The following CHD6 variants were observed in gnomAD, a reference collection of about 807,000 sequenced individuals.
The protein encoded by CHD6 is ATP-dependent chromatin remodeler CHD6.
A neutral mutation model predicts 276.9 loss-of-function variants in CHD6; 50 were observed. That is an observed-to-expected ratio of 0.18 (90% confidence interval 0.14 to 0.23). CHD6 has a LOEUF of 0.23. CHD6 is among the 10% of genes least tolerant of loss of function. The probability of loss-of-function intolerance (pLI) is 1.00; values close to 1 mark genes in which losing one functional copy is unlikely to be tolerated. For synonymous variants in CHD6, 1,173 were observed against 1,229.3 expected (o/e 0.95, Z 0.96); for missense variants, 2,564 against 3,365.8 (o/e 0.76, Z 5.89).
In CHD6 at chr20:41,500,529, G is replaced by A. The variant is rs189789524; in HGVS notation, c.853-1172C>T. On this transcript the variant is annotated intron_variant, in intron 5 of 36. Coordinates refer to ENST00000373233, the MANE Select transcript of CHD6 (RefSeq NM_032221.5). Reference sequence around the variant, plus strand: ...CAGAAGTTAATCCAAAACCACACACGTCCCTTCTCACCACTCAACAGGAAG... The same window carrying A: ...CAGAAGTTAATCCAAAACCACACACATCCCTTCTCACCACTCAACAGGAAG... Among the ~76,000 whole-genome samples, 86 of 152,122 alleles carry A rather than the reference G, an allele frequency of 5.7e-4. No individual in the cohort carries two copies. The East Asian group carries it at 0.013, about 23-fold the overall frequency.
intron 17 of CHD6, among the ~76,000 whole-genome samples, chr20:41,461,550 C>A (rs1398203797): frequency 2.6e-5 from 4 of 152,168 alleles, no homozygotes; most frequent in Non-Finnish European, 5.9e-5. Flanking sequence ...TTTTCTCTTG[C>A]CGCTTCCATG....
chr20:41,618,053 G>T (rs921918802), intron 1 of CHD6, among the ~76,000 whole-genome samples: 2 of 148,238 alleles, frequency 1.3e-5, no homozygotes, highest in African/African-American at 2.4e-5. Flanking sequence ...TCCCAAGGAC[G>T]GCCGCCCGGC....
intron 5 of CHD6, among the ~76,000 whole-genome samples, chr20:41,508,519 C>G (rs942965072): frequency 6.6e-6 from 1 of 152,088 alleles, no homozygotes; most frequent in Non-Finnish European, 1.5e-5. Flanking sequence ...CTGCAGTAAA[C>G]TGTACACTGG....
Position 41,404,563 on chromosome 20 carries a change from G to A in CHD6, c.*30C>T, listed in dbSNP as rs769676749. 6.8e-7 allele frequency: 1 copy of A among 1,472,380 alleles called. No homozygotes were observed. The highest frequency in any genetic ancestry group is 2.4e-5 in the Admixed American group (1 of 42,220). 91.2% of individuals were successfully genotyped at this position (1,472,380 alleles called of 1,614,324 possible). ...CCTTTATGGGATAAGAAACTTACAA[G>A]TCACAATAATTTCTTAAATGAAAAA... On this transcript the variant is annotated 3_prime_UTR_variant, in exon 37 of 37. Transcript: ENST00000373233.
At chr20:41,523,260 T>C (rs1294199700) in intron 3 of CHD6, among the ~76,000 whole-genome samples, 2 of 152,148 alleles carry the variant, frequency 1.3e-5, no homozygotes, top group African/African-American at 4.8e-5. Context: ...TACAAAGGCC[T>C]AATACTCCCA....
In CHD6 at chr20:41,489,840, G is replaced by A. The variant is rs550819980; in HGVS notation, c.1618C>T (p.His540Tyr). ...ATCTGCCTGCTGATCTGGCTGCCGTGGTACACAATGGCATTCATCTCTGTC... is the reference window on the plus strand; with the variant it reads ...ATCTGCCTGCTGATCTGGCTGCCGTAGTACACAATGGCATTCATCTCTGTC... ...TWTEMNAIVY[H>Y]GSQISRQMIQ... The change falls in exon 12 of 37, where the codon CAC (histidine) becomes TAC (tyrosine). Residue 540 changes from histidine (H) to tyrosine (Y), a missense_variant. Around this residue, in one of 7 missense-constraint regions of CHD6, gnomAD observed 457 missense variants for 889.0 expected, o/e 0.51. Transcript: ENST00000373233. 1 of 1,613,862 alleles carries A rather than the reference G, an allele frequency of 6.2e-7. No individual in the cohort carries two copies. Among genetic ancestry groups the A allele is most frequent in the South Asian group, 1.1e-5 (1 of 91,070 alleles).
intron 2 of CHD6, among the ~76,000 whole-genome samples, chr20:41,540,408 C>T (rs991638663): frequency 6.6e-6 from 1 of 152,062 alleles, no homozygotes; most frequent in African/African-American, 2.4e-5. Flanking sequence ...GAATGTATTA[C>T]TTTCATGGTA....
At chr20:41,538,543 G>A (rs1446833841) in intron 2 of CHD6, among the ~76,000 whole-genome samples, 1 of 152,094 alleles carries the variant, frequency 6.6e-6, no homozygotes, top group Admixed American at 6.5e-5. Flanking sequence ...AAAATGTTCT[G>A]AAATTAAATA....
At chr20:41,553,419 C>T (rs192070289) in intron 1 of CHD6, among the ~76,000 whole-genome samples, 24 of 152,322 alleles carry the variant, frequency 1.6e-4, no homozygotes, top group Admixed American at 5.9e-4. Flanking sequence ...CTCACAGGCA[C>T]GTTCCAGCTC....
intron 24 of CHD6, among the ~76,000 whole-genome samples, chr20:41,447,466 C>A (rs190289651): frequency 1.3e-5 from 2 of 152,036 alleles, no homozygotes; most frequent in Non-Finnish European, 2.9e-5. Context: ...GAATAGGCCG[C>A]ACATATTATT....
intron 3 of CHD6, among the ~76,000 whole-genome samples, chr20:41,524,615 T>C (rs551089162): frequency 2.2e-4 from 33 of 152,346 alleles, no homozygotes; most frequent in African/African-American, 7.7e-4. Flanking sequence ...AGGATCACTT[T>C]TGACTGATGC....
intron 1 of CHD6, among the ~76,000 whole-genome samples, chr20:41,610,333 C>T (rs548866200): frequency 3.3e-5 from 5 of 152,070 alleles, no homozygotes; most frequent in East Asian, 1.9e-4. Flanking sequence ...TATGCAACCC[C>T]GAATGAACCA....
chr20:41,617,588 G>A (rs772608702), intron 1 of CHD6, among the ~76,000 whole-genome samples: 1 of 152,178 alleles, frequency 6.6e-6, no homozygotes, highest in Non-Finnish European at 1.5e-5. Context: ...TCTCAACAGC[G>A]AGGAAAATAA....
intron 8 of CHD6, among the ~76,000 whole-genome samples, chr20:41,494,563 G>A (rs993171297): frequency 2.0e-5 from 3 of 152,134 alleles, no homozygotes; most frequent in Non-Finnish European, 1.5e-5. Context: ...TTACGGAGTA[G>A]GTACTATAAT....
intron 17 of CHD6, among the ~76,000 whole-genome samples, chr20:41,462,908 AT>A (rs760961061): frequency 2.0e-5 from 3 of 152,200 alleles, no homozygotes; most frequent in Admixed American, 6.5e-5. Flanking sequence ...CTGAATCTTG[AT>A]TGCTAAAAAC....
chr20:41,482,426 T>C, intron 16 of CHD6: 1 of 361,982 alleles, frequency 2.8e-6, no homozygotes. Context: ...ATAGTTTAAT[T>C]TGTCATTTCT....
chr20:41,606,296 G>A (rs2146296515), intron 1 of CHD6, among the ~76,000 whole-genome samples: 2 of 152,288 alleles, frequency 1.3e-5, no homozygotes, highest in East Asian at 3.9e-4. Flanking sequence ...CAGATCACGA[G>A]GTCAGGAGAT....
intron 16 of CHD6, among the ~76,000 whole-genome samples, chr20:41,476,943 G>A: frequency 6.6e-6 from 1 of 152,052 alleles, no homozygotes; most frequent in Non-Finnish European, 1.5e-5. Flanking sequence ...AGCAGACAGA[G>A]ACAGATAAAT....
chr20:41,464,034 G>A (rs1288433164), intron 17 of CHD6, among the ~76,000 whole-genome samples: 2 of 152,192 alleles, frequency 1.3e-5, no homozygotes, highest in Non-Finnish European at 2.9e-5. Context: ...AGGAGAGAGT[G>A]AGAAAGGGCA....
Sources: gnomAD v4.1 joint callset for allele counts (sites outside exome capture counted in the v4.1 genomes callset) on GRCh38, gnomAD v4.1.1 for gene constraint, gnomAD v4.1.1 regional missense constraint, MANE v1.5 for transcripts, NCBI Gene and HGNC (gene_info 2026-07-23, HGNC 2026-07-21) for gene names.